The following DCHS1 variants were observed in gnomAD, a reference collection of about 807,000 sequenced individuals.
DCHS1 encodes the protein protocadherin-16.
In DCHS1, 78 loss-of-function variants were observed where a neutral mutation model predicts 213.9. That is an observed-to-expected ratio of 0.36 (90% confidence interval 0.30 to 0.44). The LOEUF (loss-of-function observed/expected upper bound fraction) is 0.44, where lower values mean the gene tolerates loss of function less well. Among genes scored for constraint, DCHS1 ranks in the 20% least tolerant of loss-of-function variants. The pLI is 1.00. For synonymous variants in DCHS1, 1,828 were observed against 1,873.7 expected (o/e 0.98, Z 0.63); for missense variants, 3,946 against 4,395.9 (o/e 0.90, Z 2.89).
At chr11:6,652,096 C>CT (rs1415258717) in intron 1 of DCHS1, among the ~76,000 whole-genome samples, 11 of 152,158 alleles carry the variant, frequency 7.2e-5, no homozygotes, top group Admixed American at 2.0e-4. Context: ...CAAAGGATCC[C>CT]TCAAAGCAGA....
In DCHS1 at chr11:6,621,436, T is replaced by G; in HGVS notation, c.*343A>C. 1.0e-5 allele frequency: 4 copies of G among 399,534 alleles called. No homozygotes were observed. Among genetic ancestry groups the G allele is most frequent in the Non-Finnish European group, 1.9e-5 (4 of 207,150 alleles). The allele number at this position is 399,534 out of a possible 1,614,324, so 24.7% of individuals were successfully genotyped here. A position where few individuals can be genotyped will look rare whatever the true frequency, so the allele number is the denominator to read the frequency against. On this transcript the variant is annotated 3_prime_UTR_variant, in exon 21 of 21. Coordinates refer to ENST00000299441, the MANE Select transcript of DCHS1 (RefSeq NM_003737.4). ...AACCCAAAGGAGCTGGGTCCAAACA[T>G]GTTGGAGGGACCTCCTCCATCCCCC...
intron 2 of DCHS1, 21 bp from the exon 3 acceptor site, chr11:6,634,327 G>C: frequency 6.4e-7 from 1 of 1,558,550 alleles, no homozygotes; most frequent in Non-Finnish European, 8.7e-7. Context: ...GCTGGGGTGA[G>C]TGGTGTCCCC....
At position 6,626,754 on chromosome 11, in the gene DCHS1, G is replaced by A. The variant is rs1855811190; in HGVS notation, c.6250+35C>T. On this transcript the variant is annotated intron_variant, in intron 14 of 20. Coordinates refer to ENST00000299441, the MANE Select transcript of DCHS1 (RefSeq NM_003737.4). The surrounding 1 kb of genome is among the most constrained non-coding windows in gnomAD (Gnocchi z 5.2). ...CAAAGCACAACCCCAGCCCATTTGG[G>A]AGTCTGAATCTGGAAGAAATGGCTG... The A allele has an allele frequency of 1.2e-6, 2 of 1,609,016 alleles. No individual in the cohort carries two copies. Among genetic ancestry groups the A allele is most frequent in the Admixed American group, 1.7e-5 (1 of 59,946 alleles).
intron 5 of DCHS1, 101 bp from the exon 6 acceptor site, chr11:6,633,157 C>G: frequency 7.2e-7 from 1 of 1,390,888 alleles, no homozygotes; most frequent in Non-Finnish European, 9.8e-7. Flanking sequence ...TGCCCACACC[C>G]ATGCCTTTCA....
intron 1 of DCHS1, among the ~76,000 whole-genome samples, chr11:6,647,825 C>A (rs1359651912): frequency 6.6e-6 from 1 of 152,128 alleles, no homozygotes; most frequent in Non-Finnish European, 1.5e-5. Flanking sequence ...CCTCACAGGG[C>A]AAGGGAGGCC....
chr11:6,653,853 A>G (rs1017832795), intron 1 of DCHS1, among the ~76,000 whole-genome samples: 2 of 152,248 alleles, frequency 1.3e-5, no homozygotes, highest in African/African-American at 4.8e-5. Context: ...GCAAGAGGTC[A>G]TTATGAGGTC....
Position 6,625,103 on chromosome 11 carries a change from A to T in DCHS1, c.7146+95T>A. 1 of 1,499,778 alleles carries T rather than the reference A, an allele frequency of 6.7e-7. No individual in the cohort carries two copies. The highest frequency in any genetic ancestry group is 9.0e-7 in the Non-Finnish European group (1 of 1,117,256). The allele number at this position is 1,499,778 out of a possible 1,614,324, so 92.9% of individuals were successfully genotyped here. Reference sequence around the variant, plus strand: ...CCTTCCCATTCCCAGATCAGCTCCAACGTCCAGCCCACCTCAGCAGCTGCT... The same window carrying T: ...CCTTCCCATTCCCAGATCAGCTCCATCGTCCAGCCCACCTCAGCAGCTGCT... On this transcript the variant is annotated intron_variant, in intron 19 of 20. Transcript: ENST00000299441. The surrounding 1 kb of genome is among the most constrained non-coding windows in gnomAD (Gnocchi z 5.3).
At chr11:6,639,747 C>T in intron 2 of DCHS1, 70 bp downstream of exon 2, 1 of 1,344,508 alleles carries the variant, frequency 7.4e-7, no homozygotes, top group Non-Finnish European at 1.0e-6. Flanking sequence ...AGGCTTGGTT[C>T]CTGCTCTGAG....
At position 6,630,580 on chromosome 11, in the gene DCHS1, A is replaced by T. The variant is rs761149781; in HGVS notation, c.4214T>A (p.Leu1405His). ...TCCCGGCCCCTCAGCGCGTACCGTA[A>T]GCGCGCGCCACGGCGGGCCAGCTTC... ...DFEAGPPWRA[L>H]TVRAEGPGGA... Residue 1405 changes from leucine (L) to histidine (H), a missense_variant, in exon 10 of 21, where the codon CTT becomes CAT. Physicochemically the swap from Leu to His is moderately conservative, Grantham distance 99. This residue lies in a region of DCHS1 where 3,384 missense variants were observed against 3,780.1 expected (regional missense o/e 0.90). Transcript: ENST00000299441. 1 of 1,538,938 alleles carries T rather than the reference A, an allele frequency of 6.5e-7. No homozygotes were observed. The highest frequency in any genetic ancestry group is 8.7e-7 in the Non-Finnish European group (1 of 1,150,126).
Position 6,635,263 on chromosome 11 carries a change from T to G in DCHS1, c.1798-957A>C, listed in dbSNP as rs1855971386. Reference sequence around the variant, plus strand: ...CTCATGCATCGTTAGCCTAGTACAGTGCAAGGTACATAGTAGGTGCTTTAT... The same window carrying G: ...CTCATGCATCGTTAGCCTAGTACAGGGCAAGGTACATAGTAGGTGCTTTAT... On this transcript the variant is annotated intron_variant, in intron 2 of 20. Coordinates refer to ENST00000299441, the MANE Select transcript of DCHS1 (RefSeq NM_003737.4). 3 of 152,388 alleles carry G rather than the reference T, an allele frequency of 2.0e-5. No homozygotes were observed. The South Asian group carries it at 6.2e-4, about 32-fold the overall frequency. The allele number at this position is 152,388 out of a possible 1,614,324, so 9.4% of individuals were successfully genotyped here. A position where few individuals can be genotyped will look rare whatever the true frequency, so the allele number is the denominator to read the frequency against.
At position 6,622,077 on chromosome 11, in the gene DCHS1, T is replaced by C. The variant is rs747364652; in HGVS notation, c.9599A>G (p.Asp3200Gly). The C allele has an allele frequency of 5.0e-6, 8 of 1,610,776 alleles. No homozygotes were observed. The highest frequency in any genetic ancestry group is 4.0e-5 in the African/African-American group (3 of 74,098). ...CACGGCAGTGATGAGGGGTGGTGGG[T>C]CGATACGGGGAGCTGGGGGACATGG... ...ARPCPPAPRIDPPPLITAVAH... is the reference protein window; with the variant it reads ...ARPCPPAPRIGPPPLITAVAH... Residue 3200 changes from aspartate (D) to glycine (G), a missense_variant, in exon 21 of 21, where the codon GAC (aspartate) becomes GGC (glycine). Physicochemically the swap from Asp to Gly is moderately conservative, Grantham distance 94. Coordinates refer to ENST00000299441, the MANE Select transcript of DCHS1 (RefSeq NM_003737.4). This position sits in a 1 kb window ranked among gnomAD's most constrained non-coding sequence, Gnocchi z 5.4.
At position 6,630,275 on chromosome 11, in the gene DCHS1, G is replaced by A. The variant is rs1367391970; in HGVS notation, c.4519C>T (p.Pro1507Ser). 13 of 1,531,342 alleles carry A rather than the reference G, an allele frequency of 8.5e-6. No homozygotes were observed. Among genetic ancestry groups the A allele is most frequent in the Non-Finnish European group, 1.1e-5 (13 of 1,142,492 alleles). 94.9% of individuals were successfully genotyped at this position (1,531,342 alleles called of 1,614,324 possible). ...GCTTCCACCAGCAGCAGCAGCGCGG[G>A]AGTGGTCTCTCGGTCCAGGCCGCGC... Reference protein sequence around the residue: ...APRGLDRETTPALLLLVEATD... With the variant: ...APRGLDRETTSALLLLVEATD... Residue 1507 changes from proline to serine, a missense_variant, in exon 10 of 21, where the codon CCC becomes TCC. Around this residue, in one of 3 missense-constraint regions of DCHS1, gnomAD observed 3,384 missense variants for 3,780.1 expected, o/e 0.90. Coordinates refer to ENST00000299441, the MANE Select transcript of DCHS1 (RefSeq NM_003737.4).
chr11:6,652,478 T>C (rs1856258095), intron 1 of DCHS1, among the ~76,000 whole-genome samples: 1 of 152,040 alleles, frequency 6.6e-6, no homozygotes, highest in African/African-American at 2.4e-5. Flanking sequence ...TATTACAGGG[T>C]TAAAGAAAGA....
At position 6,639,936 on chromosome 11, in the gene DCHS1, A is replaced by G; in HGVS notation, c.1678T>C (p.Ser560Pro). 6.2e-7 allele frequency: 1 copy of G among 1,614,012 alleles called. No homozygotes were observed. Among genetic ancestry groups the G allele is most frequent in the Non-Finnish European group, 8.5e-7 (1 of 1,179,880 alleles). Residue 560 changes from serine (S) to proline (P), a missense_variant, in exon 2 of 21, where the codon TCC becomes CCC. This residue lies in a region of DCHS1 where 3,384 missense variants were observed against 3,780.1 expected (regional missense o/e 0.90). Transcript: ENST00000299441. ...ATDGGLPPLA[S>P]SATVSVALQD... ...AGGGCCACGCTAACTGTGGCAGAGG[A>G]GGCTAGAGGGGGCAGGCCACCATCT...
At position 6,628,941 on chromosome 11, in the gene DCHS1, C is replaced by T; in HGVS notation, c.5162-111G>A. 8.9e-7 allele frequency: 1 copy of T among 1,117,352 alleles called. No individual in the cohort carries two copies. Among genetic ancestry groups the T allele is most frequent in the Non-Finnish European group, 1.3e-6 (1 of 759,298 alleles). 69.2% of individuals were successfully genotyped at this position (1,117,352 alleles called of 1,614,324 possible). On this transcript the variant is annotated intron_variant, in intron 12 of 20. Transcript: ENST00000299441. The surrounding 1 kb of genome is among the most constrained non-coding windows in gnomAD (Gnocchi z 4.3). ...AGGTGCACACAAACCAGAAAATGTC[C>T]ATCTCTCCATACCTCTCAGGCACAC...
chr11:6,636,736 C>T (rs1855991624), intron 2 of DCHS1, among the ~76,000 whole-genome samples: 1 of 152,184 alleles, frequency 6.6e-6, no homozygotes, highest in South Asian at 2.1e-4. Flanking sequence ...CCCTTATCTG[C>T]CTGTTCTTAC....
rs1404892817 is a variant in DCHS1 at position 6,629,918 on chromosome 11, G to C, written c.4796-7C>G. ...CGCACCACGGACAGCGCTCCTAGGT[G>C]AGCGGTAAGGCAGGTTGGTGGGGAC... On this transcript the variant is annotated splice_polypyrimidine_tract_variant and splice_region_variant and intron_variant, in intron 10 of 20. Transcript: ENST00000299441. The C allele has an allele frequency of 1.2e-6, 2 of 1,610,564 alleles. No homozygotes were observed. Among genetic ancestry groups the C allele is most frequent in the Non-Finnish European group, 1.7e-6 (2 of 1,177,630 alleles).
chr11:6,626,684 T>C lies in DCHS1; in HGVS notation c.6251-19A>G, dbSNP rs1028702555. ...GGAGTCCCTGCAGAAAGAACGGTATTGTTGGACTGTGAGCGCGAGACTGGG... is the reference window on the plus strand; with the variant it reads ...GGAGTCCCTGCAGAAAGAACGGTATCGTTGGACTGTGAGCGCGAGACTGGG... On this transcript the variant is annotated intron_variant, in intron 14 of 20. Transcript: ENST00000299441. This position sits in a 1 kb window ranked among gnomAD's most constrained non-coding sequence, Gnocchi z 5.2. The C allele has an allele frequency of 6.2e-7, 1 of 1,613,126 alleles. No individual in the cohort carries two copies. Among genetic ancestry groups the C allele is most frequent in the Non-Finnish European group, 8.5e-7 (1 of 1,179,384 alleles).
chr11:6,625,400 G>A lies in DCHS1; in HGVS notation c.6944C>T (p.Pro2315Leu). The change falls in exon 19 of 21, where the codon CCA becomes CTA. Residue 2315 changes from proline to leucine, a missense_variant. Pro to Leu is a moderately conservative substitution (Grantham distance 98). Transcript: ENST00000299441. The surrounding 1 kb of genome is among the most constrained non-coding windows in gnomAD (Gnocchi z 5.3). ...SGPVLWYVLS[P>L]SGPQDPFSVG... The stretch of plus-strand genomic sequence containing the variant: ...ACTGAAGGGATCCTGGGGCCCAGAT[G>A]GGCTTAGCACATACCACAGCACGGG... The A allele has an allele frequency of 2.5e-6, 4 of 1,611,490 alleles. No individual in the cohort carries two copies. Among genetic ancestry groups the A allele is most frequent in the Non-Finnish European group, 3.4e-6 (4 of 1,178,632 alleles).
Sources: allele counts gnomAD v4.1 joint callset (sites outside exome capture counted in the v4.1 genomes callset), GRCh38; gene constraint gnomAD v4.1.1; regional missense constraint gnomAD v4.1.1; non-coding constraint Gnocchi (gnomAD v3.1); transcripts MANE v1.5; gene names NCBI Gene and HGNC (gene_info 2026-07-23, HGNC 2026-07-21).